PXK: variants seen among roughly 807,000 people sequenced by gnomAD.
The protein encoded by PXK is PX domain containing serine/threonine kinase like, also known as PX domain-containing protein kinase-like protein.
A neutral mutation model predicts 84.7 loss-of-function variants in PXK; 35 were observed. That is an observed-to-expected ratio of 0.41 (90% CI 0.32 to 0.55). The LOEUF is 0.55. Among genes scored for constraint, PXK ranks in the 20% least tolerant of loss-of-function variants. The probability of loss-of-function intolerance (pLI) is 0.21; values close to 1 mark genes in which losing one functional copy is unlikely to be tolerated. For synonymous variants in PXK, 253 were observed against 260.8 expected, an observed-to-expected ratio of 0.97 and a Z score of 0.29; for missense variants, 634 against 699.7, an observed-to-expected ratio of 0.91 and a Z score of 1.06.
At chr3:58,351,491 G>T (rs1454896698) in intron 1 of PXK, among the ~76,000 whole-genome samples, 1 of 151,566 alleles carries the variant, frequency 6.6e-6, no homozygotes, top group Non-Finnish European at 1.5e-5. Context: ...GAACTCCTGG[G>T]CTCATGCAAT....
At chr3:58,386,728 C>T (rs558933880) in intron 4 of PXK, among the ~76,000 whole-genome samples, 1 of 152,240 alleles carries the variant, frequency 6.6e-6, no homozygotes, top group South Asian at 2.1e-4. Context: ...GTCATTTGAA[C>T]CAGAAATCAA....
Position 58,382,931 on chromosome 3 carries a change from G to A in PXK, c.388+231G>A, listed in dbSNP as rs576449042. Among the ~76,000 whole-genome samples, 45 of 152,326 alleles carry A rather than the reference G, an allele frequency of 3.0e-4. No individual in the cohort carries two copies. In the South Asian group the frequency reaches 6.6e-3, roughly 22 times the overall value. ...AAAGTCTGCACAGAAAAATATGGAA[G>A]AGAAATTATTGTATGTATACTTATA... On this transcript the variant is annotated intron_variant, in intron 4 of 17. Coordinates refer to ENST00000356151, the MANE Select transcript of PXK (RefSeq NM_017771.5).
Position 58,401,434 on chromosome 3 carries a change from C to T in PXK, c.1181+2057C>T, listed in dbSNP as rs993798439. ...TTCAAGACCAGCCTGGCCAACATGG[C>T]GAAACCCCATCTCTACAAAAAATAC... On this transcript the variant is annotated intron_variant, in intron 12 of 17. Coordinates refer to ENST00000356151, the MANE Select transcript of PXK (RefSeq NM_017771.5). This position sits in a 1 kb window ranked among gnomAD's most constrained non-coding sequence, Gnocchi z 4.4. Among the ~76,000 whole-genome samples, 2 of 151,772 alleles carry T rather than the reference C, an allele frequency of 1.3e-5. No individual in the cohort carries two copies. Among genetic ancestry groups the T allele is most frequent in the East Asian group, 1.9e-4 (1 of 5,158 alleles).
chr3:58,421,426 C>A lies in PXK; in HGVS notation c.1529-3326C>A. The A allele has an allele frequency of 3.6e-6, 3 of 823,828 alleles. No homozygotes were observed. Among genetic ancestry groups the A allele is most frequent in the Non-Finnish European group, 4.4e-6 (3 of 682,660 alleles). The allele number at this position is 823,828 out of a possible 1,614,324, so 51.0% of individuals were successfully genotyped here. ...TGAAACCCCATCTGTACTAAAAATACAAAAATTAGGTGGGCATGGTACCAC... is the reference window on the plus strand; with the variant it reads ...TGAAACCCCATCTGTACTAAAAATAAAAAAATTAGGTGGGCATGGTACCAC... On this transcript the variant is annotated intron_variant, in intron 17 of 17. Transcript: ENST00000356151. The surrounding 1 kb of genome is among the most constrained non-coding windows in gnomAD (Gnocchi z 5.5).
chr3:58,377,931 T>G (rs1176049491), intron 3 of PXK, among the ~76,000 whole-genome samples: 2 of 152,224 alleles, frequency 1.3e-5, no homozygotes, highest in Non-Finnish European at 2.9e-5. Flanking sequence ...GTTCCAGCAT[T>G]GGCAGTACCA....
At position 58,424,761 on chromosome 3, in the gene PXK, C is replaced by T. The variant is rs373100183; in HGVS notation, c.1538C>T (p.Ala513Val). The T allele has an allele frequency of 3.1e-6, 5 of 1,613,498 alleles. No homozygotes were observed. The African/African-American group carries it at 4.0e-5, about 13-fold the overall frequency. The change falls in exon 18 of 18, where the codon GCA becomes GTA. Residue 513 changes from alanine to valine, a missense_variant. Around this residue, in one of 3 missense-constraint regions of PXK, gnomAD observed 273 missense variants for 283.6 expected, o/e 0.96. Coordinates refer to ENST00000356151, the MANE Select transcript of PXK (RefSeq NM_017771.5). The part of the protein sequence containing the change: ...PTPPSTSGIS[A>V]LPPPPPPPPP... ...CCCTTTTCCTCCACAGGGATATCTG[C>T]ATTACCTCCACCTCCTCCACCTCCA...
intron 7 of PXK, 126 bp from the exon 8 acceptor site, chr3:58,394,872 A>G: frequency 3.1e-6 from 2 of 636,836 alleles, no homozygotes; most frequent in Admixed American, 2.5e-5. Flanking sequence ...TGTTCAGGGA[A>G]TATCACTACA....
Position 58,414,264 on chromosome 3 carries a change from TTAG to T in PXK, c.1528+1306_1528+1308del, listed in dbSNP as rs1156604265. 1 of 152,062 alleles carries T rather than the reference TTAG, an allele frequency of 6.6e-6. No individual in the cohort carries two copies. Among genetic ancestry groups the T allele is most frequent in the African/African-American group, 2.4e-5 (1 of 41,390 alleles). The allele number at this position is 152,062 out of a possible 1,614,324, so 9.4% of individuals were successfully genotyped here. ...GGCATATTAAGAAAATTGGAGAAAA[TTAG>T]TAGTGAGAATCCAGAAATCCTCCTT... On this transcript the variant is annotated intron_variant, in intron 17 of 17. Transcript: ENST00000356151. This position sits in a 1 kb window ranked among gnomAD's most constrained non-coding sequence, Gnocchi z 4.5.
intron 1 of PXK, among the ~76,000 whole-genome samples, chr3:58,355,458 C>T (rs1056509358): frequency 6.6e-6 from 1 of 152,202 alleles, no homozygotes; most frequent in African/African-American, 2.4e-5. Flanking sequence ...GCTTGAGCGA[C>T]TTAACACGTT....
intron 1 of PXK, among the ~76,000 whole-genome samples, chr3:58,345,040 C>G (rs866313826): frequency 3.3e-5 from 5 of 152,188 alleles, no homozygotes; most frequent in Admixed American, 1.3e-4. Context: ...AAAGAGTCTT[C>G]TGCGTGCCAG....
chr3:58,332,995 T>G lies in PXK; in HGVS notation c.7T>G (p.Phe3Val), dbSNP rs2097521960. 1.5e-6 allele frequency: 2 copies of G among 1,365,702 alleles called. No homozygotes were observed. Among genetic ancestry groups the G allele is most frequent in the Admixed American group, 2.6e-5 (1 of 38,280 alleles). 84.6% of individuals were successfully genotyped at this position (1,365,702 alleles called of 1,614,324 possible). A position where few individuals can be genotyped will look rare whatever the true frequency, so the allele number is the denominator to read the frequency against. The change falls in exon 1 of 18, where the codon TTC (phenylalanine) becomes GTC (valine). Residue 3 changes from phenylalanine (F) to valine (V), a missense_variant. By Grantham distance (50) the Phe-to-Val change is conservative. Around this residue, in one of 3 missense-constraint regions of PXK, gnomAD observed 353 missense variants for 385.2 expected, o/e 0.92. Transcript: ENST00000356151. This position sits in a 1 kb window ranked among gnomAD's most constrained non-coding sequence, Gnocchi z 5.6. Reference protein sequence around the residue: MAFMEKPPAGKVL... With the variant: MAVMEKPPAGKVL... ...GGCGGCCGGGCGTCCCGGGATGGCC[T>G]TCATGGAGAAGCCGCCAGCCGGCAA...
chr3:58,345,765 G>A (rs914103829), intron 1 of PXK, among the ~76,000 whole-genome samples: 2 of 152,038 alleles, frequency 1.3e-5, no homozygotes, highest in African/African-American at 4.8e-5. Context: ...AGGTTAAAGG[G>A]AAAAAATATT....
chr3:58,359,486 G>A (rs894894972), intron 1 of PXK, among the ~76,000 whole-genome samples: 1 of 149,454 alleles, frequency 6.7e-6, no homozygotes, highest in South Asian at 2.1e-4. Flanking sequence ...AGCCGAGATC[G>A]CGCCACTGCA....
intron 1 of PXK, among the ~76,000 whole-genome samples, chr3:58,365,384 T>C (rs2098254847): frequency 6.6e-6 from 1 of 152,178 alleles, no homozygotes; most frequent in Non-Finnish European, 1.5e-5. Flanking sequence ...TATTTTGAGA[T>C]TTATGGCTCA....
intron 3 of PXK, among the ~76,000 whole-genome samples, chr3:58,380,233 T>C (rs2098484803): frequency 6.6e-6 from 1 of 151,082 alleles, no homozygotes; most frequent in African/African-American, 2.5e-5. Flanking sequence ...GAGAAGATCC[T>C]GAAAGCTTAT....
chr3:58,365,982 A>T, intron 2 of PXK, 58 bp downstream of exon 2: 1 of 1,416,958 alleles, frequency 7.1e-7, no homozygotes. Context: ...GCGTGACTAA[A>T]ACCCTGACTT....
At chr3:58,368,519 G>A (rs1203932851) in intron 2 of PXK, among the ~76,000 whole-genome samples, 4 of 151,816 alleles carry the variant, frequency 2.6e-5, no homozygotes, top group African/African-American at 7.3e-5. Context: ...GACGGGTTTC[G>A]CCACATTGGC....
At chr3:58,391,706 G>A (rs2098633269) in intron 6 of PXK, 67 bp from the exon 7 acceptor site, 2 of 1,369,316 alleles carry the variant, frequency 1.5e-6, no homozygotes, top group South Asian at 2.4e-5. Flanking sequence ...AAAATTAAAG[G>A]GAAAGACAAG....
At chr3:58,357,725 G>T (rs373452315) in intron 1 of PXK, among the ~76,000 whole-genome samples, 1 of 152,146 alleles carries the variant, frequency 6.6e-6, no homozygotes, top group Non-Finnish European at 1.5e-5. Context: ...AAGGTGGGCG[G>T]ATCACTTTGA....
Sources: gnomAD v4.1 joint callset for allele counts (sites outside exome capture counted in the v4.1 genomes callset) on GRCh38, gnomAD v4.1.1 for gene constraint, gnomAD v4.1.1 regional missense constraint, Gnocchi (gnomAD v3.1) non-coding constraint, MANE v1.5 for transcripts, NCBI Gene and HGNC (gene_info 2026-07-23, HGNC 2026-07-21) for gene names.